The following ZPBP variants were observed in gnomAD, a reference collection of about 807,000 sequenced individuals.
ZPBP encodes zona pellucida binding protein.
Under a neutral mutation model 44.8 loss-of-function variants are expected in ZPBP, and 26 were observed. The observed-to-expected ratio is 0.58, with a 90% CI of 0.43 to 0.81. The LOEUF is 0.81. ZPBP is among the 30% of genes least tolerant of loss of function. The pLI is 0.00. For synonymous variants in ZPBP, 174 were observed against 153.2 expected, an observed-to-expected ratio of 1.14 and a Z score of -1.00; for missense variants, 409 against 434.0, an observed-to-expected ratio of 0.94 and a Z score of 0.51.
rs1268446020 is a variant in ZPBP at position 50,018,242 on chromosome 7, T to C, written c.781A>G (p.Lys261Glu). 7 of 1,610,736 alleles carry C rather than the reference T, an allele frequency of 4.3e-6. No individual in the cohort carries two copies. The African/African-American group carries it at 6.7e-5, about 15-fold the overall frequency. The change falls in exon 6 of 8, where the codon AAG (lysine) becomes GAG (glutamate). Residue 261 changes from lysine (K) to glutamate (E), a missense_variant and splice_region_variant. Physicochemically the swap from Lys to Glu is moderately conservative, Grantham distance 56. Transcript: ENST00000046087. The part of the protein sequence containing the change: ...HNCEPYKRLF[K>E]AKNLIERFFN... The stretch of plus-strand genomic sequence containing the variant: ...TTTACCAGCCTCACATAACATACCT[T>C]AAAAAGTCTTTTGTAAGGTTCACAG...
intron 3 of ZPBP, among the ~76,000 whole-genome samples, chr7:50,076,567 G>A (rs1802091503): frequency 6.6e-6 from 1 of 150,936 alleles, no homozygotes; most frequent in Admixed American, 6.6e-5. Context: ...AAAATTTCAG[G>A]ATCAACATAC....
chr7:50,053,775 CTT>C (rs1256877482), intron 4 of ZPBP, among the ~76,000 whole-genome samples: 3 of 152,066 alleles, frequency 2.0e-5, no homozygotes, highest in Non-Finnish European at 4.4e-5. Flanking sequence ...TTTTAAGTGT[CTT>C]AAGAAAATTT....
At chr7:49,983,291 A>G in intron 7 of ZPBP, 51 bp downstream of exon 7, 1 of 1,556,236 alleles carries the variant, frequency 6.4e-7, no homozygotes, top group African/African-American at 1.4e-5. Flanking sequence ...CTTAATGAAA[A>G]CACATAAATT....
intron 4 of ZPBP, chr7:50,056,073 T>C (rs910023715): frequency 6.6e-6 from 1 of 152,192 alleles, no homozygotes; most frequent in Admixed American, 6.5e-5. Context: ...CACTAATAAT[T>C]CTGCCAGTTG....
At chr7:49,850,930 A>G (rs1346173400) in intron 2 of ZPBP, among the ~76,000 whole-genome samples, 1 of 152,232 alleles carries the variant, frequency 6.6e-6, no homozygotes, top group South Asian at 2.1e-4. Flanking sequence ...ACCAGGCTCC[A>G]TTAGCTCCCT....
In ZPBP at chr7:50,031,310, G is replaced by T; in HGVS notation, c.488C>A (p.Ala163Asp). 6.2e-7 allele frequency: 1 copy of T among 1,607,514 alleles called. No individual in the cohort carries two copies. The highest frequency in any genetic ancestry group is 8.5e-7 in the Non-Finnish European group (1 of 1,178,032). The change falls in exon 5 of 8, where the codon GCT becomes GAT. Residue 163 changes from alanine (A) to aspartate (D), a missense_variant and splice_region_variant. Ala to Asp is a moderately radical substitution (Grantham distance 126). Around this residue, in one of 2 missense-constraint regions of ZPBP, gnomAD observed 367 missense variants for 363.1 expected, o/e 1.01. Transcript: ENST00000046087. ...ATAATAATAATGAGGCTCACGATAA[G>T]CTGTAAAAAATTAACAAGAGAAAGA... ...KRLQLKYAIYAYREPHYYYQF... is the reference protein window; with the variant it reads ...KRLQLKYAIYDYREPHYYYQF...
chr7:49,977,145 CTATT>C (rs1190483442), intron 7 of ZPBP, among the ~76,000 whole-genome samples: 1 of 85,634 alleles, frequency 1.2e-5, no homozygotes, highest in Non-Finnish European at 2.2e-5. Context: ...AGAAATGTAT[CTATT>C]TAAGGAAAAT....
chr7:49,935,484 C>T (rs994464242), downstream of ZPBP, among the ~76,000 whole-genome samples: 1 of 152,018 alleles, frequency 6.6e-6, no homozygotes, highest in Non-Finnish European at 1.5e-5. Flanking sequence ...CTGCACACTC[C>T]GCTTTCTGGT....
chr7:49,976,308 A>G, intron 7 of ZPBP, among the ~76,000 whole-genome samples: 1 of 152,196 alleles, frequency 6.6e-6, no homozygotes, highest in East Asian at 1.9e-4. Flanking sequence ...AACTAACTGA[A>G]AAATTCCCTT....
Position 50,018,290 on chromosome 7 carries a change from G to GTCC in ZPBP, c.730_732dup (p.Gly244dup), listed in dbSNP as rs759957465. On this transcript the variant is annotated inframe_insertion, in exon 6 of 8. Transcript: ENST00000046087. Reference sequence around the variant, plus strand: ...CAGTTATGGTCTGTACATCGCTTGGGTCCTTTTTCAGTGTCTAGAGATGAA... The same window carrying GTCC: ...CAGTTATGGTCTGTACATCGCTTGGGTCCTCCTTTTTCAGTGTCTAGAGATGAA... The GTCC allele has an allele frequency of 1.4e-5, 23 of 1,609,890 alleles. No homozygotes were observed. Among genetic ancestry groups the GTCC allele is most frequent in the Non-Finnish European group, 1.8e-5 (21 of 1,178,594 alleles).
At chr7:49,932,455 G>A (rs573839119), downstream of ZPBP, among the ~76,000 whole-genome samples, 5 of 152,332 alleles carry the variant, frequency 3.3e-5, no homozygotes, top group African/African-American at 1.2e-4. Context: ...TGCCCTGCTG[G>A]ATTTTGGACT....
At chr7:49,991,473 T>G (rs774322237) in intron 6 of ZPBP, among the ~76,000 whole-genome samples, 1 of 152,138 alleles carries the variant, frequency 6.6e-6, no homozygotes, top group African/African-American at 2.4e-5. Context: ...AATTCACTCC[T>G]AAGAAACATA....
intron 4 of ZPBP, among the ~76,000 whole-genome samples, chr7:50,041,402 A>G (rs1482526562): frequency 2.0e-5 from 3 of 152,190 alleles, no homozygotes; most frequent in Non-Finnish European, 4.4e-5. Context: ...CACCTCATAC[A>G]GGAGAGCTCC....
chr7:49,882,095 G>T (rs1012712754), intron 2 of ZPBP, among the ~76,000 whole-genome samples: 1 of 152,068 alleles, frequency 6.6e-6, no homozygotes, highest in East Asian at 1.9e-4. Flanking sequence ...AACAAAAAAT[G>T]ATGTATAAAC....
chr7:49,902,016 C>T (rs1043950786), intron 1 of ZPBP, among the ~76,000 whole-genome samples: 2 of 150,490 alleles, frequency 1.3e-5, no homozygotes, highest in African/African-American at 5.0e-5. Context: ...ACAGACTTTA[C>T]ACCCTTCATA....
chr7:50,048,985 A>T (rs1800543828), intron 4 of ZPBP, among the ~76,000 whole-genome samples: 1 of 151,972 alleles, frequency 6.6e-6, no homozygotes, highest in African/African-American at 2.4e-5. Flanking sequence ...AGAATCAGAA[A>T]AAAGGGGAGA....
intron 3 of ZPBP, among the ~76,000 whole-genome samples, chr7:50,067,331 A>G (rs1331290450): frequency 1.3e-5 from 2 of 152,010 alleles, no homozygotes; most frequent in Admixed American, 1.3e-4. Flanking sequence ...TTTTACTTCC[A>G]GCAGTTAAAA....
intron 6 of ZPBP, among the ~76,000 whole-genome samples, chr7:49,989,185 A>C (rs1283037889): frequency 2.6e-5 from 4 of 152,208 alleles, no homozygotes; most frequent in Non-Finnish European, 5.9e-5. Context: ...GCTTCCCTTT[A>C]AGGAATCAAG....
chr7:49,983,304 C>G, intron 7 of ZPBP, 38 bp downstream of exon 7: 1 of 1,599,636 alleles, frequency 6.3e-7, no homozygotes, highest in East Asian at 2.2e-5. Flanking sequence ...CATAAATTTT[C>G]AACAATATAA....
Sources: gnomAD v4.1 joint callset for allele counts (sites outside exome capture counted in the v4.1 genomes callset) on GRCh38, gnomAD v4.1.1 for gene constraint, gnomAD v4.1.1 regional missense constraint, MANE v1.5 for transcripts, NCBI Gene and HGNC (gene_info 2026-07-23, HGNC 2026-07-21) for gene names.